Variants in TMEM40 observed in about 807,000 individuals in gnomAD.
TMEM40 encodes transmembrane protein 40.
Under a neutral mutation model 40.8 loss-of-function variants are expected in TMEM40, and 34 were observed. That is an observed-to-expected ratio of 0.83 (90% CI 0.63 to 1.11). TMEM40 has a LOEUF of 1.11. TMEM40 is among the 50% of genes least tolerant of loss of function. The pLI, the probability that TMEM40 is intolerant of heterozygous loss-of-function variation, is 0.00. For missense variants in TMEM40, 296 were observed against 280.2 expected, an observed-to-expected ratio of 1.06 and a Z score of -0.40; for synonymous variants, 106 against 107.0, an observed-to-expected ratio of 0.99 and a Z score of 0.06.
At chr3:12,737,443 CAG>C (rs1309894377) in intron 8 of TMEM40, 5 of 556,176 alleles carry the variant, frequency 9.0e-6, no homozygotes, top group East Asian at 3.1e-5. Context: ...GCAGAAAGAG[CAG>C]AGGACCAGGG....
chr3:12,747,762 T>G (rs2061440368), intron 3 of TMEM40, among the ~76,000 whole-genome samples: 1 of 151,482 alleles, frequency 6.6e-6, no homozygotes. Flanking sequence ...ATACAAAAAT[T>G]TGGCCAGGCA....
chr3:12,756,858 A>ACT (rs942153306), intron 1 of TMEM40, among the ~76,000 whole-genome samples: 1 of 150,778 alleles, frequency 6.6e-6, no homozygotes, highest in African/African-American at 2.4e-5. Context: ...ACATATACAC[A>ACT]CTCTCTCTCT....
intron 1 of TMEM40, among the ~76,000 whole-genome samples, chr3:12,767,087 G>A (rs1482405066): frequency 1.3e-5 from 2 of 152,182 alleles, no homozygotes; most frequent in Non-Finnish European, 2.9e-5. Flanking sequence ...GGTGAGGGAA[G>A]ATCTGACCCT....
At position 12,768,101 on chromosome 3, in the gene TMEM40, T is replaced by C. The variant is rs544432218; in HGVS notation, c.-9+1150A>G. Among the ~76,000 whole-genome samples, 16 of 152,192 alleles carry C rather than the reference T, an allele frequency of 1.1e-4. No individual in the cohort carries two copies. The South Asian group carries it at 3.1e-3, about 30-fold the overall frequency. ...CGTGTTCGGAGTTTCTTCCTTCTGGTGGGTTCACGGTCTCGCTGGCTCAGG... is the reference window on the plus strand; with the variant it reads ...CGTGTTCGGAGTTTCTTCCTTCTGGCGGGTTCACGGTCTCGCTGGCTCAGG... On this transcript the variant is annotated intron_variant, in intron 1 of 11. Coordinates refer to the TMEM40 transcript ENST00000264728.
chr3:12,749,196 T>C (rs1324097638), intron 2 of TMEM40, among the ~76,000 whole-genome samples: 1 of 152,058 alleles, frequency 6.6e-6, no homozygotes, highest in Non-Finnish European at 1.5e-5. Flanking sequence ...GGCTAATTTT[T>C]TGTATTTTTA....
intron 1 of TMEM40, chr3:12,769,135 ACTGGCGGG>A: frequency 1.2e-5 from 1 of 80,414 alleles, no homozygotes; most frequent in Non-Finnish European, 4.0e-5. Context: ...ACTGCCCGGG[ACTGGCGGG>A]GCCTCTCCAA....
At chr3:12,761,973 A>C (rs2061570869), upstream of TMEM40, among the ~76,000 whole-genome samples, 1 of 152,128 alleles carries the variant, frequency 6.6e-6, no homozygotes. Context: ...ATATATTATT[A>C]TTATTTTGTA....
chr3:12,745,206 T>C (rs1340410227), intron 3 of TMEM40, among the ~76,000 whole-genome samples: 4 of 149,186 alleles, frequency 2.7e-5, no homozygotes, highest in Admixed American at 6.7e-5. Context: ...ATTACAGGCG[T>C]GCACCACCAC....
chr3:12,739,679 C>T (rs369177911), intron 5 of TMEM40, among the ~76,000 whole-genome samples: 6 of 151,860 alleles, frequency 4.0e-5, no homozygotes, highest in East Asian at 1.9e-4. Context: ...CCTTGGCCTC[C>T]CAAAGTGCTG....
At chr3:12,748,843 C>T in intron 2 of TMEM40, 51 bp from the exon 3 acceptor site, 6 of 1,543,548 alleles carry the variant, frequency 3.9e-6, no homozygotes, top group Non-Finnish European at 4.5e-6. Context: ...CCTTCCCACC[C>T]CAGGGACCAC....
At chr3:12,756,569 G>A (rs909376087) in intron 1 of TMEM40, among the ~76,000 whole-genome samples, 1 of 152,120 alleles carries the variant, frequency 6.6e-6, no homozygotes, top group African/African-American at 2.4e-5. Flanking sequence ...TGACACATTT[G>A]AAGATTAATA....
chr3:12,769,279 G>A (rs780000337), exon 1 of TMEM40: 13 of 412,224 alleles, frequency 3.2e-5, no homozygotes, highest in Non-Finnish European at 6.0e-5. Flanking sequence ...AGCCGGCTCC[G>A]GCCTCGGCCA....
chr3:12,760,098 G>A (rs904361128), upstream of TMEM40, among the ~76,000 whole-genome samples: 2 of 152,126 alleles, frequency 1.3e-5, no homozygotes, highest in African/African-American at 4.8e-5. Context: ...TGACCCATCT[G>A]GAAAATCCTG....
intron 1 of TMEM40, 53 bp from the exon 2 acceptor site, chr3:12,749,893 T>C: frequency 6.7e-7 from 1 of 1,491,220 alleles, no homozygotes; most frequent in South Asian, 1.2e-5. Flanking sequence ...AATATCTTAA[T>C]ATACAAAGAG....
At chr3:12,742,636 T>C in intron 4 of TMEM40, 129 bp from the exon 5 acceptor site, 6 of 1,065,730 alleles carry the variant, frequency 5.6e-6, no homozygotes, top group Non-Finnish European at 8.3e-6. Context: ...GGGGGCAGTC[T>C]TCAGGAGGCA....
upstream of TMEM40, among the ~76,000 whole-genome samples, chr3:12,763,636 C>T (rs777722811): frequency 5.9e-5 from 9 of 152,188 alleles, no homozygotes; most frequent in Non-Finnish European, 1.2e-4. Flanking sequence ...ACAAGTTAGA[C>T]AGCTCAGCCT....
chr3:12,753,657 G>A (rs990985003), intron 1 of TMEM40, among the ~76,000 whole-genome samples: 5 of 152,146 alleles, frequency 3.3e-5, no homozygotes, highest in Admixed American at 2.6e-4. Context: ...TGCCCCAGCT[G>A]CCCCCTGGTT....
intron 3 of TMEM40, among the ~76,000 whole-genome samples, chr3:12,745,031 TAAAG>T (rs770944144): frequency 1.2e-4 from 18 of 152,234 alleles, no homozygotes; most frequent in Non-Finnish European, 2.2e-4. Flanking sequence ...TGTTGCAAAA[TAAAG>T]AAATATAGAA....
At position 12,734,605 on chromosome 3, in the gene TMEM40, G is replaced by T. The variant is rs1195596186; in HGVS notation, c.*169C>A. ...AGTACTGCCCAAATGAGATGCCCCT[G>T]CCCGGGCTGGTGCCAACATTCAGAC... On this transcript the variant is annotated 3_prime_UTR_variant, in exon 12 of 12. Coordinates refer to ENST00000314124, the MANE Select transcript of TMEM40 (RefSeq NM_018306.4). 4.0e-6 allele frequency: 3 copies of T among 756,868 alleles called. No homozygotes were observed. The highest frequency in any genetic ancestry group is 1.7e-5 in the African/African-American group (1 of 57,886). 46.9% of individuals were successfully genotyped at this position (756,868 alleles called of 1,614,324 possible). A position where few individuals can be genotyped will look rare whatever the true frequency, so the allele number is the denominator to read the frequency against.
Sources: allele counts gnomAD v4.1 joint callset (sites outside exome capture counted in the v4.1 genomes callset), GRCh38; gene constraint gnomAD v4.1.1; transcripts MANE v1.5; gene names NCBI Gene and HGNC (gene_info 2026-07-23, HGNC 2026-07-21).